Variants in DLG2 observed in about 807,000 individuals in gnomAD.
The protein encoded by DLG2 is discs large MAGUK scaffold protein 2.
In DLG2, 45 loss-of-function variants were observed where a neutral mutation model predicts 132.5. The ratio of observed to expected loss-of-function variants is 0.34; its 90% CI spans 0.27 to 0.44. The LOEUF (loss-of-function observed/expected upper bound fraction) is 0.44, where lower values mean the gene tolerates loss of function less well. DLG2 is among the 20% of genes least tolerant of loss of function. The pLI is 1.00. For synonymous variants in DLG2, 424 were observed against 419.6 expected (o/e 1.01, Z -0.13); for missense variants, 1,045 against 1,196.9 (o/e 0.87, Z 1.87).
chr11:84,877,512 C>T (rs1347092022), intron 6 of DLG2, among the ~76,000 whole-genome samples: 67 of 57,438 alleles, frequency 1.2e-3, no homozygotes, highest in East Asian at 2.4e-3. Context: ...GCAACCCCTG[C>T]TTTTTTTTTT....
chr11:84,944,542 C>CAATTG (rs779405683), intron 6 of DLG2, among the ~76,000 whole-genome samples: 49 of 151,342 alleles, frequency 3.2e-4, no homozygotes, highest in Non-Finnish European at 2.7e-4. Flanking sequence ...TTCAATATAT[C>CAATTG]AATTGAATTT....
At chr11:85,254,282 T>A (rs1377461582) in intron 4 of DLG2, among the ~76,000 whole-genome samples, 2 of 152,198 alleles carry the variant, frequency 1.3e-5, no homozygotes, top group Admixed American at 6.5e-5. Flanking sequence ...AAAGAATAGT[T>A]CTCAAAATGG....
At chr11:85,207,761 C>G (rs1166528700) in intron 4 of DLG2, among the ~76,000 whole-genome samples, 1 of 152,028 alleles carries the variant, frequency 6.6e-6, no homozygotes, top group Non-Finnish European at 1.5e-5. Context: ...ATGGAACTTT[C>G]TTATCACTAC....
At chr11:84,988,059 A>C (rs2056691059) in intron 6 of DLG2, among the ~76,000 whole-genome samples, 1 of 152,236 alleles carries the variant, frequency 6.6e-6, no homozygotes, top group Non-Finnish European at 1.5e-5. Context: ...CAATGAACTC[A>C]AACAAATGAG....
At chr11:84,525,101 T>C (rs931894234) in intron 7 of DLG2, among the ~76,000 whole-genome samples, 1 of 152,102 alleles carries the variant, frequency 6.6e-6, no homozygotes, top group Non-Finnish European at 1.5e-5. Flanking sequence ...AGCCCATATA[T>C]GGTGGTGGTG....
intron 3 of DLG2, among the ~76,000 whole-genome samples, chr11:85,439,657 C>T (rs1185609201): frequency 1.3e-5 from 2 of 152,132 alleles, no homozygotes; most frequent in African/African-American, 2.4e-5. Flanking sequence ...CCGCGCCCGG[C>T]CTGTTTCCTC....
At chr11:83,984,044 C>T (rs187302169) in intron 11 of DLG2, among the ~76,000 whole-genome samples, 21 of 152,116 alleles carry the variant, frequency 1.4e-4, no homozygotes, top group Admixed American at 9.8e-4. Context: ...GTAAATGCCA[C>T]GGTCTTAGCT....
chr11:85,007,013 T>C (rs648974), intron 6 of DLG2, among the ~76,000 whole-genome samples: 105,867 of 150,950 alleles, frequency 0.7, 37,955 homozygotes, highest in East Asian at 0.92. Flanking sequence ...GAGAACTTGA[T>C]TTATTTTCAA....
chr11:84,277,950 A>G (rs2097799666), intron 7 of DLG2, among the ~76,000 whole-genome samples: 3 of 151,700 alleles, frequency 2.0e-5, no homozygotes, highest in African/African-American at 7.3e-5. Context: ...AGACAGTCTA[A>G]TGTTATGATC....
intron 6 of DLG2, among the ~76,000 whole-genome samples, chr11:84,808,123 A>G (rs1048640119): frequency 5.3e-5 from 8 of 152,142 alleles, no homozygotes; most frequent in Non-Finnish European, 1.2e-4. Flanking sequence ...ATTTAAAATA[A>G]CTTAAATCAT....
intron 15 of DLG2, among the ~76,000 whole-genome samples, chr11:83,895,460 A>G (rs1383824371): frequency 6.6e-6 from 1 of 152,140 alleles, no homozygotes; most frequent in Non-Finnish European, 1.5e-5. Context: ...GCGTCCAGCC[A>G]CTACTGTCTT....
intron 6 of DLG2, among the ~76,000 whole-genome samples, chr11:84,855,479 T>C (rs2082661848): frequency 6.6e-6 from 1 of 152,020 alleles, no homozygotes; most frequent in South Asian, 2.1e-4. Flanking sequence ...GAGAACATTA[T>C]TTTCCCCTTA....
intron 16 of DLG2, among the ~76,000 whole-genome samples, chr11:83,840,479 TCAC>T (rs1390440776): frequency 6.6e-6 from 1 of 152,028 alleles, no homozygotes; most frequent in East Asian, 1.9e-4. Flanking sequence ...GAGATATAGA[TCAC>T]AAAACACAAA....
chr11:83,841,372 A>T (rs1251491221), intron 16 of DLG2, among the ~76,000 whole-genome samples: 2 of 152,230 alleles, frequency 1.3e-5, no homozygotes, highest in African/African-American at 2.4e-5. Context: ...ATCATTATAC[A>T]TTGACAGTGG....
chr11:83,504,612 TC>T lies in DLG2; in HGVS notation c.2194-20385del, dbSNP rs2094599430. Among the ~76,000 whole-genome samples the T allele has an allele frequency of 2.6e-5, 4 of 152,090 alleles. No homozygotes were observed. The South Asian group carries it at 8.3e-4, about 32-fold the overall frequency. On this transcript the variant is annotated intron_variant, in intron 21 of 27. Transcript: ENST00000376104. Reference sequence around the variant, plus strand: ...TTGTGTCTCCTGGTGGCAGCATTCCTCCCTCTGGAACTAAGACTACCTAGGC... The same window carrying T: ...TTGTGTCTCCTGGTGGCAGCATTCCTCCTCTGGAACTAAGACTACCTAGGC...
At chr11:84,103,109 A>C (rs2092659181) in intron 9 of DLG2, among the ~76,000 whole-genome samples, 1 of 152,162 alleles carries the variant, frequency 6.6e-6, no homozygotes, top group African/African-American at 2.4e-5. Context: ...CTGGCCAGTC[A>C]TCATGGTTCT....
intron 4 of DLG2, among the ~76,000 whole-genome samples, chr11:85,169,114 G>T (rs906544766): frequency 6.6e-6 from 1 of 152,036 alleles, no homozygotes; most frequent in Admixed American, 6.6e-5. Context: ...AACATCTCTA[G>T]ATTACTTATA....
intron 6 of DLG2, among the ~76,000 whole-genome samples, chr11:84,804,186 C>A (rs914217685): frequency 2.0e-5 from 3 of 152,180 alleles, no homozygotes; most frequent in African/African-American, 7.2e-5. Flanking sequence ...GCACTTAGGA[C>A]AAGACTGGCA....
At chr11:83,860,683 G>C (rs543590190) in intron 16 of DLG2, among the ~76,000 whole-genome samples, 45 of 152,228 alleles carry the variant, frequency 3.0e-4, no homozygotes, top group African/African-American at 1.1e-3. Flanking sequence ...GGGACTGTTG[G>C]GAGGCATGAT....
Sources: allele counts gnomAD v4.1 joint callset (sites outside exome capture counted in the v4.1 genomes callset), GRCh38; gene constraint gnomAD v4.1.1; transcripts MANE v1.5; gene names NCBI Gene and HGNC (gene_info 2026-07-23, HGNC 2026-07-21).